The following SDK1 variants were observed in gnomAD, a reference collection of about 807,000 sequenced individuals.
The protein encoded by SDK1 is sidekick cell adhesion molecule 1, also known as protein sidekick-1.
SDK1 carries 157 observed loss-of-function variants against 245.5 expected under a neutral mutation model. That is an observed-to-expected ratio of 0.64 (90% CI 0.56 to 0.73). The LOEUF is 0.73. Among genes scored for constraint, SDK1 ranks in the 30% least tolerant of loss-of-function variants. The pLI, the probability that SDK1 is intolerant of heterozygous loss-of-function variation, is 0.00. For synonymous variants in SDK1, 1,647 were observed against 1,278.5 expected (o/e 1.29, Z -6.15); for missense variants, 3,583 against 3,002.3 (o/e 1.19, Z -4.52).
At chr7:4,128,069 C>T (rs144756384) in intron 26 of SDK1, among the ~76,000 whole-genome samples, 36 of 152,190 alleles carry the variant, frequency 2.4e-4, no homozygotes, top group Admixed American at 2.4e-3. Context: ...ATCCACCCCA[C>T]CCCTTTAAAA....
chr7:3,700,825 A>G (rs150697994), intron 4 of SDK1, among the ~76,000 whole-genome samples: 67 of 152,202 alleles, frequency 4.4e-4, no homozygotes, highest in African/African-American at 1.5e-3. Flanking sequence ...GATGACCCCA[A>G]ATACCTCCCA....
chr7:3,531,925 A>G (rs1487012700), intron 1 of SDK1, among the ~76,000 whole-genome samples: 2 of 152,230 alleles, frequency 1.3e-5, no homozygotes, highest in Non-Finnish European at 2.9e-5. Flanking sequence ...GTACTAAAGT[A>G]GCAGGTTCAG....
chr7:3,982,453 A>G (rs546699275), intron 13 of SDK1, among the ~76,000 whole-genome samples: 13 of 152,232 alleles, frequency 8.5e-5, no homozygotes, highest in Non-Finnish European at 1.6e-4. Flanking sequence ...ATTTCATAAG[A>G]CTATAGTTGC....
At chr7:3,696,570 GTT>G in intron 4 of SDK1, among the ~76,000 whole-genome samples, 1 of 80,156 alleles carries the variant, frequency 1.2e-5, no homozygotes, top group African/African-American at 4.4e-5. Flanking sequence ...ATTTCTCTGT[GTT>G]TGTGTGTGTG....
At chr7:3,817,134 CA>C (rs1273838622) in intron 4 of SDK1, among the ~76,000 whole-genome samples, 1 of 152,082 alleles carries the variant, frequency 6.6e-6, no homozygotes, top group Non-Finnish European at 1.5e-5. Context: ...TATTGATAAC[CA>C]AAGACAATTT....
At chr7:3,662,046 T>A in intron 4 of SDK1, among the ~76,000 whole-genome samples, 1 of 84,578 alleles carries the variant, frequency 1.2e-5, no homozygotes, top group Non-Finnish European at 3.1e-5. Flanking sequence ...GTTGTATTTT[T>A]TTTTTTTTTT....
chr7:3,481,102 A>G (rs536138142), intron 1 of SDK1, among the ~76,000 whole-genome samples: 87 of 152,320 alleles, frequency 5.7e-4, no homozygotes, highest in African/African-American at 1.9e-3. Flanking sequence ...AATTATTTGA[A>G]TTATTTTTAC....
At chr7:3,938,659 A>AAAAAAAAAAAAAAAAAAAAAAG (rs1554284813) in intron 5 of SDK1, among the ~76,000 whole-genome samples, 2 of 151,070 alleles carry the variant, frequency 1.3e-5, no homozygotes, top group African/African-American at 4.9e-5. Context: ...AAAAAAAAAA[A>AAAAAAAAAAAAAAAAAAAAAAG]AGAGATCCTC....
chr7:3,954,818 G>C (rs1781129579), intron 7 of SDK1, among the ~76,000 whole-genome samples: 1 of 151,720 alleles, frequency 6.6e-6, no homozygotes, highest in Non-Finnish European at 1.5e-5. Context: ...CTCTGAAATA[G>C]TGGCTTTAGT....
At chr7:3,471,964 G>A (rs1454855490) in intron 1 of SDK1, among the ~76,000 whole-genome samples, 3 of 152,118 alleles carry the variant, frequency 2.0e-5, no homozygotes, top group South Asian at 4.1e-4. Flanking sequence ...CCTAACCATA[G>A]TCACTTTTAC....
chr7:4,131,233 T>G (rs867032543), intron 27 of SDK1, among the ~76,000 whole-genome samples: 1 of 152,220 alleles, frequency 6.6e-6, no homozygotes, highest in Non-Finnish European at 1.5e-5. Context: ...CAGGCGCTGG[T>G]GAGTCCTGGA....
intron 41 of SDK1, among the ~76,000 whole-genome samples, chr7:4,237,275 T>A (rs1786230707): frequency 6.6e-6 from 1 of 151,910 alleles, no homozygotes; most frequent in Non-Finnish European, 1.5e-5. Flanking sequence ...CAGGCAGTGT[T>A]TTTAAACAGA....
At chr7:3,337,635 A>G (rs1405655211) in intron 1 of SDK1, among the ~76,000 whole-genome samples, 1 of 152,234 alleles carries the variant, frequency 6.6e-6, no homozygotes. Flanking sequence ...AAAGCTACTG[A>G]AAGTAGCTGG....
At chr7:3,373,448 A>G (rs564701880) in intron 1 of SDK1, among the ~76,000 whole-genome samples, 2 of 152,334 alleles carry the variant, frequency 1.3e-5, no homozygotes, top group East Asian at 3.9e-4. Flanking sequence ...GGTACTTGAC[A>G]AAACTTAACA....
chr7:3,729,014 C>G (rs1297652450), intron 4 of SDK1, among the ~76,000 whole-genome samples: 1 of 152,188 alleles, frequency 6.6e-6, no homozygotes, highest in Non-Finnish European at 1.5e-5. Context: ...CCAACGGTGT[C>G]TCCTGACCTT....
chr7:3,652,440 C>T (rs1003061206), intron 4 of SDK1, among the ~76,000 whole-genome samples: 8 of 152,226 alleles, frequency 5.3e-5, no homozygotes, highest in Non-Finnish European at 1.0e-4. Context: ...GCGGTGGCCC[C>T]TCATGGCCTC....
At chr7:3,642,893 A>T (rs1369445605) in intron 4 of SDK1, 2 of 152,250 alleles carry the variant, frequency 1.3e-5, no homozygotes, top group African/African-American at 4.8e-5. Context: ...TCAGATATTT[A>T]TGCCATCCAG....
chr7:3,474,337 G>A (rs572817665), intron 1 of SDK1, among the ~76,000 whole-genome samples: 6 of 151,494 alleles, frequency 4.0e-5, no homozygotes, highest in Admixed American at 6.6e-5. Flanking sequence ...CTCGTTGTCC[G>A]CCTGCCTCAG....
chr7:3,927,884 C>G (rs139260150), intron 5 of SDK1, among the ~76,000 whole-genome samples: 23 of 152,102 alleles, frequency 1.5e-4, no homozygotes, highest in African/African-American at 4.1e-4. Flanking sequence ...TGTTCCTCAC[C>G]GCAGAACTAC....
Sources: allele counts gnomAD v4.1 joint callset (sites outside exome capture counted in the v4.1 genomes callset), GRCh38; gene constraint gnomAD v4.1.1; transcripts MANE v1.5; gene names NCBI Gene and HGNC (gene_info 2026-07-23, HGNC 2026-07-21).